The following SLC12A2 variants were observed in gnomAD, a reference collection of about 807,000 sequenced individuals.
SLC12A2 encodes the protein solute carrier family 12 member 2.
In SLC12A2, 67 loss-of-function variants were observed where a neutral mutation model predicts 136.3. The observed-to-expected ratio is 0.49, with a 90% confidence interval of 0.40 to 0.60. SLC12A2 has a LOEUF of 0.60. Ranked by LOEUF, SLC12A2 falls within the 20% of genes least tolerant of loss-of-function variation. The probability of loss-of-function intolerance (pLI) is 0.00; values close to 1 mark genes in which losing one functional copy is unlikely to be tolerated. For missense variants in SLC12A2, 1,322 were observed against 1,534.7 expected (o/e 0.86, Z 2.32); for synonymous variants, 619 against 562.9 (o/e 1.10, Z -1.41).
Position 128,084,744 on chromosome 5 carries a change from C to G in SLC12A2, c.756+34C>G. 1.3e-6 allele frequency: 2 copies of G among 1,517,348 alleles called. No homozygotes were observed. The highest frequency in any genetic ancestry group is 8.9e-7 in the Non-Finnish European group (1 of 1,128,974). 94.0% of individuals were successfully genotyped at this position (1,517,348 alleles called of 1,614,324 possible). A position where few individuals can be genotyped will look rare whatever the true frequency, so the allele number is the denominator to read the frequency against. ...GCCCAGCCCTCCCTTCTTCCCCAGC[C>G]CCTGGTGCATGCCGACCGCGGGATG... On this transcript the variant is annotated intron_variant, in intron 1 of 26. Coordinates refer to ENST00000262461, the MANE Select transcript of SLC12A2 (RefSeq NM_001046.3). The surrounding 1 kb of genome is among the most constrained non-coding windows in gnomAD (Gnocchi z 5.6).
chr5:128,171,628 T>TC lies in SLC12A2; in HGVS notation c.2724-39_2724-38insC, dbSNP rs772167549. On this transcript the variant is annotated intron_variant, in intron 18 of 26. Coordinates refer to ENST00000262461, the MANE Select transcript of SLC12A2 (RefSeq NM_001046.3). ...AGGATAACACAAATTTTTGTGATTT[T>TC]TTTTTTGGTTTTTTCATTTTTTGTT... The TC allele has an allele frequency of 4.2e-5, 57 of 1,362,572 alleles. No individual in the cohort carries two copies. In the African/African-American group the frequency reaches 6.8e-4, roughly 16 times the overall value. The allele number at this position is 1,362,572 out of a possible 1,614,324, so 84.4% of individuals were successfully genotyped here. A position where few individuals can be genotyped will look rare whatever the true frequency, so the allele number is the denominator to read the frequency against.
intron 19 of SLC12A2, among the ~76,000 whole-genome samples, chr5:128,174,084 C>CT (rs1763466029): frequency 2.6e-5 from 4 of 152,118 alleles, no homozygotes; most frequent in Admixed American, 2.0e-4. Context: ...GTATTACTGT[C>CT]TACCAGATTC....
At chr5:128,116,513 T>G (rs1395390791) in intron 4 of SLC12A2, among the ~76,000 whole-genome samples, 5 of 151,756 alleles carry the variant, frequency 3.3e-5, no homozygotes, top group Non-Finnish European at 7.4e-5. Flanking sequence ...CACACAGATC[T>G]GTCCCAAAAA....
At chr5:128,128,884 A>C (rs1761914962) in intron 4 of SLC12A2, among the ~76,000 whole-genome samples, 1 of 151,840 alleles carries the variant, frequency 6.6e-6, no homozygotes, top group African/African-American at 2.4e-5. Flanking sequence ...TTTCATAAGA[A>C]GTAATAGATG....
rs1379850278 is a variant in SLC12A2, at chr5:128,084,733, T to C, written c.756+23T>C. On this transcript the variant is annotated intron_variant, in intron 1 of 26. Transcript: ENST00000262461. This position sits in a 1 kb window ranked among gnomAD's most constrained non-coding sequence, Gnocchi z 5.6. ...AAGGTGAGCTCGCCCAGCCCTCCCT[T>C]CTTCCCCAGCCCCTGGTGCATGCCG... is the stretch of plus-strand genomic sequence containing the variant. 1 of 1,538,698 alleles carries C rather than the reference T, an allele frequency of 6.5e-7. No homozygotes were observed. The highest frequency in any genetic ancestry group is 8.8e-7 in the Non-Finnish European group (1 of 1,139,644).
intron 14 of SLC12A2, 98 bp downstream of exon 14, chr5:128,151,494 T>A: frequency 1.8e-6 from 2 of 1,126,334 alleles, no homozygotes; most frequent in Non-Finnish European, 2.5e-6. Context: ...AAGCATCATC[T>A]TTTGTATATT....
At chr5:128,177,477 T>C in intron 21 of SLC12A2, 1 of 189,514 alleles carries the variant, frequency 5.3e-6, no homozygotes, top group South Asian at 1.2e-4. Flanking sequence ...TTATTTGCAG[T>C]GTCACTTGCA....
Position 128,152,802 on chromosome 5 carries a change from T to G in SLC12A2, c.2360T>G (p.Phe787Cys). The G allele has an allele frequency of 1.3e-6, 2 of 1,592,786 alleles. No homozygotes were observed. Among genetic ancestry groups the G allele is most frequent in the Non-Finnish European group, 1.7e-6 (2 of 1,160,640 alleles). The change falls in exon 15 of 27, where the codon TTT becomes TGT. Residue 787 changes from phenylalanine to cysteine, a missense_variant. Physicochemically the swap from Phe to Cys is radical, Grantham distance 205 (BLOSUM62 -2). Coordinates refer to ENST00000262461, the MANE Select transcript of SLC12A2 (RefSeq NM_001046.3). ...LSGVEDHVKN[F>C]RPQCLVMTGA... ...GGAGTGGAAGACCACGTGAAAAACT[T>G]TAGGTAAGTGATAAAGAAGGAAACA...
chr5:128,104,206 T>C (rs1306121397), intron 1 of SLC12A2, among the ~76,000 whole-genome samples: 1 of 152,200 alleles, frequency 6.6e-6, no homozygotes, highest in African/African-American at 2.4e-5. Flanking sequence ...ATTTTTTAAT[T>C]GGAAAAAATC....
rs1561713900 is a variant in SLC12A2, at chr5:128,188,805, TGG to T, written c.*2178_*2179del. On this transcript the variant is annotated 3_prime_UTR_variant, in exon 27 of 27. Coordinates refer to ENST00000262461, the MANE Select transcript of SLC12A2 (RefSeq NM_001046.3). ...GTTCCATTGCAGGTTTTGCAATGTT[TGG>T]GGGTAAAGACAGTAGAAATATTATT... is the stretch of plus-strand genomic sequence containing the variant. The T allele has an allele frequency of 6.6e-6, 1 of 152,216 alleles. No individual in the cohort carries two copies. 9.4% of individuals were successfully genotyped at this position (152,216 alleles called of 1,614,324 possible). A position where few individuals can be genotyped will look rare whatever the true frequency, so the allele number is the denominator to read the frequency against.
chr5:128,127,048 T>C (rs1175151528), intron 4 of SLC12A2, among the ~76,000 whole-genome samples: 3 of 144,200 alleles, frequency 2.1e-5, no homozygotes, highest in Non-Finnish European at 4.5e-5. Context: ...TATTATCGTT[T>C]CTGTCGAATT....
chr5:128,107,652 A>G (rs1470679115), intron 1 of SLC12A2, among the ~76,000 whole-genome samples: 1 of 152,198 alleles, frequency 6.6e-6, no homozygotes, highest in Non-Finnish European at 1.5e-5. Flanking sequence ...ATAGTATTCT[A>G]TGTGTATATG....
chr5:128,090,110 C>A (rs1014533810), intron 1 of SLC12A2, among the ~76,000 whole-genome samples: 1 of 152,328 alleles, frequency 6.6e-6, no homozygotes, highest in East Asian at 1.9e-4. Context: ...ATACTAAATG[C>A]ATTCCCCCAG....
intron 1 of SLC12A2, among the ~76,000 whole-genome samples, chr5:128,106,895 G>A (rs1226052367): frequency 1.3e-5 from 2 of 151,848 alleles, no homozygotes; most frequent in African/African-American, 4.8e-5. Context: ...TACATCTTTC[G>A]TTTTCTTTTA....
chr5:128,151,897 A>G (rs1282231630), intron 14 of SLC12A2, among the ~76,000 whole-genome samples: 1 of 152,102 alleles, frequency 6.6e-6, no homozygotes, highest in Non-Finnish European at 1.5e-5. Flanking sequence ...AATTGGACAA[A>G]CTTGTTTTAA....
At chr5:128,122,192 A>C (rs994914593) in intron 4 of SLC12A2, among the ~76,000 whole-genome samples, 13 of 152,228 alleles carry the variant, frequency 8.5e-5, no homozygotes, top group African/African-American at 3.1e-4. Flanking sequence ...CCTTGGTTAC[A>C]TAAAACTTCA....
intron 7 of SLC12A2, among the ~76,000 whole-genome samples, chr5:128,137,337 C>T (rs1370051814): frequency 6.6e-6 from 1 of 152,074 alleles, no homozygotes; most frequent in African/African-American, 2.4e-5. Context: ...TGTTGTTTCT[C>T]TTTTCTGGTA....
chr5:128,141,760 A>G (rs1056290971), intron 9 of SLC12A2, 70 bp from the exon 10 acceptor site: 2 of 1,300,036 alleles, frequency 1.5e-6, no homozygotes, highest in East Asian at 2.5e-5. Context: ...ATAAATATAT[A>G]TATGTATATA....
intron 20 of SLC12A2, among the ~76,000 whole-genome samples, chr5:128,175,447 T>C (rs1361642469): frequency 3.3e-5 from 5 of 152,102 alleles, no homozygotes; most frequent in Non-Finnish European, 5.9e-5. Context: ...AAACTGATTC[T>C]GATAACTGTT....
Sources: gnomAD v4.1 joint callset for allele counts (sites outside exome capture counted in the v4.1 genomes callset) on GRCh38, gnomAD v4.1.1 for gene constraint, Gnocchi (gnomAD v3.1) non-coding constraint, MANE v1.5 for transcripts, NCBI Gene and HGNC (gene_info 2026-07-23, HGNC 2026-07-21) for gene names.